The following MEGF6 variants were observed in gnomAD, a reference collection of about 807,000 sequenced individuals.
MEGF6 encodes multiple EGF like domains 6.
A neutral mutation model predicts 207.1 loss-of-function variants in MEGF6; 184 were observed. The observed-to-expected ratio is 0.89, with a 90% CI of 0.79 to 1.00. The LOEUF (loss-of-function observed/expected upper bound fraction) is 1.00, where lower values mean the gene tolerates loss of function less well. Among genes scored for constraint, MEGF6 ranks in the 50% least tolerant of loss-of-function variants. The probability of loss-of-function intolerance (pLI) is 0.00; values close to 1 mark genes in which losing one functional copy is unlikely to be tolerated. For synonymous variants in MEGF6, 1,038 were observed against 910.0 expected, an observed-to-expected ratio of 1.14 and a Z score of -2.53; for missense variants, 2,282 against 2,202.9, an observed-to-expected ratio of 1.04 and a Z score of -0.72.
At position 3,593,572 on chromosome 1, in the gene MEGF6, C is replaced by T. The variant is rs530027264; in HGVS notation, c.376+1766G>A. 6.3e-3 allele frequency among the ~76,000 whole-genome samples: 954 copies of T among 151,928 alleles called. 9 individuals carry two copies. Among genetic ancestry groups the T allele is most frequent in the African/African-American group, 0.021 (884 of 41,418 alleles). ...ACCCTGGGGACTCGGGCTGGCAGCC[C>T]CACTTCCTCTCCCCGCCCCCGGCCT... On this transcript the variant is annotated intron_variant, in intron 3 of 36. Transcript: ENST00000356575.
At chr1:3,532,338 G>A (rs1178671027) in intron 4 of MEGF6, among the ~76,000 whole-genome samples, 4 of 152,202 alleles carry the variant, frequency 2.6e-5, no homozygotes, top group African/African-American at 4.8e-5. Flanking sequence ...GCCCCTTCTC[G>A]CACCTATCCT....
At chr1:3,518,571 C>T (rs1042348850) in intron 5 of MEGF6, among the ~76,000 whole-genome samples, 5 of 152,222 alleles carry the variant, frequency 3.3e-5, no homozygotes, top group African/African-American at 9.6e-5. Flanking sequence ...TGGCGGGCTG[C>T]GCCGAGGCAG....
At chr1:3,496,821 G>C (rs1264592454) in intron 28 of MEGF6, 38 bp from the exon 29 acceptor site, 5 of 1,544,092 alleles carry the variant, frequency 3.2e-6, no homozygotes, top group Non-Finnish European at 4.4e-6. Flanking sequence ...GCTGGGGCTG[G>C]AGGCTTCCCC....
intron 17 of MEGF6, 31 bp downstream of exon 17, chr1:3,505,177 C>T (rs773944644): frequency 6.2e-7 from 1 of 1,605,860 alleles, no homozygotes; most frequent in South Asian, 1.1e-5. Flanking sequence ...CACAATGAGA[C>T]TGCCGGGAGC....
intron 2 of MEGF6, among the ~76,000 whole-genome samples, chr1:3,595,695 C>T (rs866725682): frequency 6.6e-6 from 1 of 152,182 alleles, no homozygotes; most frequent in Non-Finnish European, 1.5e-5. Context: ...GCATGCAACC[C>T]GGGAACACGC....
intron 5 of MEGF6, among the ~76,000 whole-genome samples, chr1:3,521,981 C>T (rs1312534905): frequency 1.3e-5 from 2 of 152,202 alleles, no homozygotes. Flanking sequence ...GGCATTTCTC[C>T]AACTCAACTA....
chr1:3,616,531 C>T, the MEGF6 span, among the ~76,000 whole-genome samples: 3 of 152,144 alleles, frequency 2.0e-5, no homozygotes, highest in African/African-American at 4.8e-5. Context: ...ACACCCAGCA[C>T]GTGCAGGTGA....
chr1:3,535,675 G>A (rs1642305613), intron 4 of MEGF6, among the ~76,000 whole-genome samples: 1 of 152,160 alleles, frequency 6.6e-6, no homozygotes, highest in East Asian at 1.9e-4. Context: ...CCCCCCAGCG[G>A]CCCTGGGTCC....
Position 3,579,859 on chromosome 1 carries a change from A to T in MEGF6, c.447T>A (p.Cys149Ter). ...AGCGGGGTCCCTGGAAGCCGGGGGG[A>T]CAGTGACACGGCTGGGCTGAGCCTG... ...CVPGSAQPCHCPPGFQGPRCQ... is the reference protein window; with the variant it reads ...CVPGSAQPCH The change falls in exon 4 of 37, where the codon TGT becomes TGA. Residue 149 changes from cysteine (C) to a stop codon, truncating the protein, a stop_gained. Transcript: ENST00000356575. LOFTEE classifies it high-confidence loss of function. 1 of 1,538,318 alleles carries T rather than the reference A, an allele frequency of 6.5e-7. No individual in the cohort carries two copies. The highest frequency in any genetic ancestry group is 8.7e-7 in the Non-Finnish European group (1 of 1,148,706).
Position 3,500,697 on chromosome 1 carries a change from G to C in MEGF6, c.2643C>G (p.Ser881Arg), listed in dbSNP as rs1233111697. The C allele has an allele frequency of 6.3e-7, 1 of 1,584,532 alleles. No homozygotes were observed. The highest frequency in any genetic ancestry group is 1.8e-5 in the Admixed American group (1 of 56,128). ...HPCNCSAGHGSCDAISGLCLC... is the reference protein window; with the variant it reads ...HPCNCSAGHGRCDAISGLCLC... ...GACACAGGCCGCTGATGGCATCACA[G>C]CTCCCGTGGCCAGCGCTGCAGTTGC... The change falls in exon 21 of 37, where the codon AGC becomes AGG. Residue 881 changes from serine to arginine, a missense_variant. Transcript: ENST00000356575.
chr1:3,523,540 G>A (rs972231098), intron 5 of MEGF6, among the ~76,000 whole-genome samples: 5 of 152,076 alleles, frequency 3.3e-5, no homozygotes, highest in Admixed American at 6.5e-5. Context: ...CCGCTTCTTC[G>A]TCACCCCTAC....
At chr1:3,508,005 T>G in intron 13 of MEGF6, 82 bp from the exon 14 acceptor site, 1 of 1,505,566 alleles carries the variant, frequency 6.6e-7, no homozygotes, top group Non-Finnish European at 9.0e-7. Context: ...GAGGCTTGGG[T>G]TTAGAAGCAG....
intron 5 of MEGF6, among the ~76,000 whole-genome samples, chr1:3,521,438 G>A (rs556224558): frequency 5.9e-5 from 9 of 152,246 alleles, no homozygotes; most frequent in Admixed American, 4.6e-4. Context: ...CCGAGCTGCC[G>A]CAGGAGACCC....
chr1:3,572,972 G>A (rs1643549985), intron 4 of MEGF6, among the ~76,000 whole-genome samples: 5 of 144,956 alleles, frequency 3.4e-5, no homozygotes, highest in Admixed American at 3.4e-4. Flanking sequence ...CTTCCTGGGT[G>A]TGCTGGGTTC....
chr1:3,584,069 G>C (rs550939458), intron 3 of MEGF6, among the ~76,000 whole-genome samples: 1 of 152,374 alleles, frequency 6.6e-6, no homozygotes, highest in South Asian at 2.1e-4. Context: ...AAACTGGGCA[G>C]GTCTGCCTCA....
chr1:3,580,040 A>G, intron 3 of MEGF6, 111 bp from the exon 4 acceptor site: 1 of 711,182 alleles, frequency 1.4e-6, no homozygotes, highest in Non-Finnish European at 2.3e-6. Flanking sequence ...CCAGGTCCCC[A>G]GCCCCGTTCT....
chr1:3,610,865 G>C (rs1445311376), intron 1 of MEGF6, among the ~76,000 whole-genome samples: 3 of 144,394 alleles, frequency 2.1e-5, no homozygotes, highest in African/African-American at 7.5e-5. Context: ...TCCAAGTACA[G>C]TATCTGCCTG....
intron 32 of MEGF6, 76 bp downstream of exon 32, chr1:3,494,295 C>A: frequency 6.7e-7 from 1 of 1,488,230 alleles, no homozygotes. Flanking sequence ...TTCACTGCTG[C>A]CTGGATCACC....
At chr1:3,547,589 C>T (rs1198536896) in intron 4 of MEGF6, among the ~76,000 whole-genome samples, 1 of 152,186 alleles carries the variant, frequency 6.6e-6, no homozygotes, top group Admixed American at 6.5e-5. Flanking sequence ...CACTCCCCCT[C>T]CCGCCTTCGG....
Sources: allele counts gnomAD v4.1 joint callset (sites outside exome capture counted in the v4.1 genomes callset), GRCh38; gene constraint gnomAD v4.1.1; transcripts MANE v1.5; gene names NCBI Gene and HGNC (gene_info 2026-07-23, HGNC 2026-07-21).